Variants in LYST observed in about 807,000 individuals in gnomAD.
The protein encoded by LYST is lysosomal-trafficking regulator.
In LYST, 192 loss-of-function variants were observed where a neutral mutation model predicts 413.6. The ratio of observed to expected loss-of-function variants is 0.46; its 90% confidence interval spans 0.41 to 0.52. The LOEUF (loss-of-function observed/expected upper bound fraction) is 0.52. Among genes scored for constraint, LYST ranks in the 20% least tolerant of loss-of-function variants. The probability of loss-of-function intolerance (pLI) is 0.00; values close to 1 mark genes in which losing one functional copy is unlikely to be tolerated. For synonymous variants in LYST, 1,525 were observed against 1,567.3 expected (o/e 0.97, Z 0.64); for missense variants, 3,815 against 4,499.9 (o/e 0.85, Z 4.35).
At chr1:235,837,715 G>A (rs1407720539) in intron 1 of LYST, among the ~76,000 whole-genome samples, 1 of 151,908 alleles carries the variant, frequency 6.6e-6, no homozygotes, top group Non-Finnish European at 1.5e-5. Flanking sequence ...GGAAGTTACT[G>A]ACAATCTTTT....
upstream of LYST, among the ~76,000 whole-genome samples, chr1:235,870,368 T>C (rs1680873769): frequency 1.3e-5 from 2 of 152,256 alleles, no homozygotes; most frequent in Admixed American, 1.3e-4. Context: ...CTGTTTGAAC[T>C]GTGTTCTAAT....
chr1:235,839,861 TA>T (rs1380190263), intron 1 of LYST: 1 of 151,766 alleles, frequency 6.6e-6, no homozygotes, highest in Admixed American at 6.6e-5. Flanking sequence ...AATAAATAAA[TA>T]AAATAAATCA....
intron 45 of LYST, among the ~76,000 whole-genome samples, chr1:235,698,539 T>G (rs186558563): frequency 1.3e-5 from 2 of 152,310 alleles, no homozygotes; most frequent in Admixed American, 1.3e-4. Flanking sequence ...AACAGTGTTT[T>G]TTTGTGGCTC....
Position 235,733,343 on chromosome 1 carries a change from T to C in LYST, c.8801+160A>G, listed in dbSNP as rs192282659. On this transcript the variant is annotated intron_variant, in intron 34 of 52. Coordinates refer to ENST00000389793, the MANE Select transcript of LYST (RefSeq NM_000081.4). Reference sequence around the variant, plus strand: ...CCTCAAGAATTAAAAAAAACTCATATGATTATTCTTTAAGATGAAAAAAAC... The same window carrying C: ...CCTCAAGAATTAAAAAAAACTCATACGATTATTCTTTAAGATGAAAAAAAC... 3.0e-4 allele frequency among the ~76,000 whole-genome samples: 46 copies of C among 152,292 alleles called. 1 individual carries two copies. In the East Asian group the frequency reaches 7.5e-3, roughly 25 times the overall value.
intron 1 of LYST, among the ~76,000 whole-genome samples, chr1:235,845,321 C>G (rs1195770895): frequency 1.3e-5 from 2 of 152,196 alleles, no homozygotes; most frequent in Admixed American, 1.3e-4. Context: ...GAGAATGCAG[C>G]AGAAAGGCCC....
At chr1:235,880,273 GA>G (rs1423914070) in intron 1 of LYST, among the ~76,000 whole-genome samples, 7 of 152,184 alleles carry the variant, frequency 4.6e-5, no homozygotes, top group Non-Finnish European at 2.9e-5. Context: ...CAATATATGT[GA>G]AAAAAACTCA....
Position 235,677,529 on chromosome 1 carries a change from G to A in LYST, c.10891C>T (p.Leu3631=). ...SLFVCKPYSI[L]ISVSRDGTCI... ...GTTCCGTCTCTGCTCACACTTATCAGTATACTGTATGGTTTGCAAACAAAT... is the reference window on the plus strand; with the variant it reads ...GTTCCGTCTCTGCTCACACTTATCAATATACTGTATGGTTTGCAAACAAAT... Residue 3631 remains leucine (L), a synonymous_variant, in exon 49 of 53, where the codon CTG becomes TTG. Coordinates refer to ENST00000389793, the MANE Select transcript of LYST (RefSeq NM_000081.4). 4 of 1,613,382 alleles carry A rather than the reference G, an allele frequency of 2.5e-6. No homozygotes were observed. Among genetic ancestry groups the A allele is most frequent in the Non-Finnish European group, 3.4e-6 (4 of 1,179,462 alleles).
intron 3 of LYST, among the ~76,000 whole-genome samples, chr1:235,823,788 A>C (rs1333793491): frequency 6.6e-6 from 1 of 152,180 alleles, no homozygotes. Context: ...AGGGATGTCA[A>C]TATCTAAGAA....
At chr1:235,867,169 G>T (rs1680656611), upstream of LYST, among the ~76,000 whole-genome samples, 1 of 152,218 alleles carries the variant, frequency 6.6e-6, no homozygotes, top group Admixed American at 6.5e-5. Context: ...GCCCGGTCTG[G>T]GTTTCTCAGC....
intron 3 of LYST, among the ~76,000 whole-genome samples, chr1:235,826,881 C>T (rs551938902): frequency 3.2e-4 from 48 of 149,788 alleles, no homozygotes; most frequent in South Asian, 2.1e-3. Context: ...TGGGGTTTTG[C>T]CATGTTGCCC....
intron 38 of LYST, among the ~76,000 whole-genome samples, chr1:235,725,363 G>A (rs571437317): frequency 6.6e-6 from 1 of 152,242 alleles, no homozygotes; most frequent in Non-Finnish European, 1.5e-5. Context: ...GAACCCAGGA[G>A]GCGGAGGTTT....
At chr1:235,808,299 G>A (rs1673084478) in intron 5 of LYST, among the ~76,000 whole-genome samples, 156 bp downstream of exon 5, 2 of 152,162 alleles carry the variant, frequency 1.3e-5, no homozygotes, top group East Asian at 1.9e-4. Context: ...AAAGAATAAA[G>A]AGTAAATACG....
intron 28 of LYST, among the ~76,000 whole-genome samples, chr1:235,747,754 C>T (rs1031063544): frequency 2.0e-5 from 3 of 152,046 alleles, no homozygotes; most frequent in African/African-American, 2.4e-5. Flanking sequence ...TACTAGAAAA[C>T]GTGGGAGGGT....
At chr1:235,874,460 C>T (rs563606585) in intron 1 of LYST, among the ~76,000 whole-genome samples, 1 of 152,286 alleles carries the variant, frequency 6.6e-6, no homozygotes, top group Non-Finnish European at 1.5e-5. Flanking sequence ...CAACTCCCAT[C>T]CTGGGATCAT....
At chr1:235,788,284 C>T (rs1277303121) in intron 13 of LYST, among the ~76,000 whole-genome samples, 1 of 152,136 alleles carries the variant, frequency 6.6e-6, no homozygotes, top group Admixed American at 6.5e-5. Context: ...TTCAGCCTCC[C>T]AAGTAGCTGG....
Position 235,677,043 on chromosome 1 carries a change from C to G in LYST, c.11038+48G>C, listed in dbSNP as rs116104377. The G allele has an allele frequency of 2.4e-3, 3,281 of 1,380,700 alleles. 70 individuals carry two copies. In the African/African-American group the frequency reaches 0.042, roughly 18 times the overall value. 85.5% of individuals were successfully genotyped at this position (1,380,700 alleles called of 1,614,324 possible). A position where few individuals can be genotyped will look rare whatever the true frequency, so the allele number is the denominator to read the frequency against. ...TAGGAGTAACCACTGGCCGAATGCGCTGTTAGAGCACCAGCCAGCCCTGTG... is the reference window on the plus strand; with the variant it reads ...TAGGAGTAACCACTGGCCGAATGCGGTGTTAGAGCACCAGCCAGCCCTGTG... On this transcript the variant is annotated intron_variant, in intron 50 of 52. Transcript: ENST00000389793.
chr1:235,737,915 G>GAAGAGGAT lies in LYST; in HGVS notation c.8359-3257_8359-3256insATCCTCTT. ...CGAAGGTGCTGGAGCCGCTGCCGAC[G>GAAGAGGAT]AGTCTGGATCTCACTGCCGCGTGCC... On this transcript the variant is annotated intron_variant, in intron 31 of 52. Transcript: ENST00000389793. 27 of 1,160,568 alleles carry GAAGAGGAT rather than the reference G, an allele frequency of 2.3e-5. No homozygotes were observed. In the Admixed American group the frequency reaches 3.5e-4, roughly 15 times the overall value. The allele number at this position is 1,160,568 out of a possible 1,614,324, so 71.9% of individuals were successfully genotyped here.
rs898207423 is a variant in LYST, at chr1:235,788,600, T to G, written c.4688+101A>C. 1.3e-5 allele frequency: 14 copies of G among 1,083,680 alleles called. 1 individual carries two copies. In the East Asian group the frequency reaches 3.6e-4, roughly 28 times the overall value. The allele number at this position is 1,083,680 out of a possible 1,614,324, so 67.1% of individuals were successfully genotyped here. On this transcript the variant is annotated intron_variant, in intron 13 of 52. Transcript: ENST00000389793. Reference sequence around the variant, plus strand: ...ATATTTTTAAATGAGACTTTTTGTTTTGCTATAATGAACTTTTATTAGTAG... The same window carrying G: ...ATATTTTTAAATGAGACTTTTTGTTGTGCTATAATGAACTTTTATTAGTAG...
At chr1:235,721,670 A>G (rs368784093) in intron 39 of LYST, among the ~76,000 whole-genome samples, 29 of 152,288 alleles carry the variant, frequency 1.9e-4, no homozygotes, top group African/African-American at 7.0e-4. Flanking sequence ...GAATAGGCAA[A>G]ACCACAGAGA....
Sources: allele counts gnomAD v4.1 joint callset (sites outside exome capture counted in the v4.1 genomes callset), GRCh38; gene constraint gnomAD v4.1.1; transcripts MANE v1.5; gene names NCBI Gene and HGNC (gene_info 2026-07-23, HGNC 2026-07-21).